Variants in CDHR5 observed in about 807,000 individuals in gnomAD.
CDHR5 encodes the protein cadherin-related family member 5.
A neutral mutation model predicts 69.5 loss-of-function variants in CDHR5; 82 were observed. The observed-to-expected ratio is 1.18, with a 90% confidence interval of 0.99 to 1.42. CDHR5 has a LOEUF of 1.42. Among genes scored for constraint, CDHR5 ranks in the 40% most tolerant of loss-of-function variants. CDHR5 has a pLI of 0.00. For synonymous variants in CDHR5, 601 were observed against 510.2 expected, an observed-to-expected ratio of 1.18 and a Z score of -2.40; for missense variants, 1,293 against 1,168.9, an observed-to-expected ratio of 1.11 and a Z score of -1.55.
In CDHR5 at chr11:617,161, A is replaced by C; in HGVS notation, c.*190T>G. 1 of 598,654 alleles carries C rather than the reference A, an allele frequency of 1.7e-6. No homozygotes were observed. Among genetic ancestry groups the C allele is most frequent in the Non-Finnish European group, 3.0e-6 (1 of 331,968 alleles). The allele number at this position is 598,654 out of a possible 1,614,324, so 37.1% of individuals were successfully genotyped here. ...ACAGCGTGGCCAGACCCACCGCCTC[A>C]TCTGCACACCTGGGCTCAAGCGCTA... On this transcript the variant is annotated 3_prime_UTR_variant, in exon 15 of 15. Coordinates refer to ENST00000397542, the MANE Select transcript of CDHR5 (RefSeq NM_021924.5).
In CDHR5 at chr11:618,088, G is replaced by A. The variant is rs146917689; in HGVS notation, c.1984C>T (p.Arg662Cys). ...SSGGGPSEDKRFSVVDMAALG... is the reference protein window; with the variant it reads ...SSGGGPSEDKCFSVVDMAALG... ...GCCGCCATATCCACCACCGAGAAGCGCTTGTCCTCCGAGGGGCCGCCACCT... is the reference window on the plus strand; with the variant it reads ...GCCGCCATATCCACCACCGAGAAGCACTTGTCCTCCGAGGGGCCGCCACCT... Residue 662 changes from arginine (R) to cysteine (C), a missense_variant, in exon 14 of 15, where the codon CGC (arginine) becomes TGC (cysteine). Coordinates refer to ENST00000397542, the MANE Select transcript of CDHR5 (RefSeq NM_021924.5). 19 of 1,610,672 alleles carry A rather than the reference G, an allele frequency of 1.2e-5. No homozygotes were observed. The highest frequency in any genetic ancestry group is 1.6e-4 in the Middle Eastern group (1 of 6,068).
At chr11:620,665 T>C (rs1857319940) in intron 7 of CDHR5, among the ~76,000 whole-genome samples, 1 of 152,150 alleles carries the variant, frequency 6.6e-6, no homozygotes, top group African/African-American at 2.4e-5. Context: ...ATTTAGGAAG[T>C]GGGGGCTCCC....
At chr11:618,525 G>A in intron 13 of CDHR5, 74 bp downstream of exon 13, 1 of 1,551,134 alleles carries the variant, frequency 6.4e-7, no homozygotes, top group Non-Finnish European at 8.8e-7. Flanking sequence ...GCCTGGGGTG[G>A]ACCCTTCCTA....
Position 617,465 on chromosome 11 carries a change from C to T in CDHR5, c.2424G>A (p.Ala808=), listed in dbSNP as rs139083373. ...TGGCGCCATCCACGTCCAGGGTGGGCGCGTTGAGAACGACCACGTCTGCCT... is the reference window on the plus strand; with the variant it reads ...TGGCGCCATCCACGTCCAGGGTGGGTGCGTTGAGAACGACCACGTCTGCCT... The part of the protein sequence containing the change: ...GTEADVVVLN[A]PTLDVDGASD... Residue 808 remains alanine (A), a synonymous_variant, in exon 15 of 15, where the codon GCG becomes GCA. Transcript: ENST00000397542. 3.8e-5 allele frequency: 61 copies of T among 1,612,692 alleles called. No individual in the cohort carries two copies. Among genetic ancestry groups the T allele is most frequent in the African/African-American group, 5.3e-5 (4 of 75,042 alleles).
intron 9 of CDHR5, 26 bp downstream of exon 9, chr11:620,041 G>GC: frequency 1.3e-6 from 2 of 1,510,882 alleles, no homozygotes; most frequent in Non-Finnish European, 1.8e-6. Context: ...CCTCTGCCCT[G>GC]CCCCCCATGC....
chr11:617,103 G>T lies in CDHR5; in HGVS notation c.*248C>A. On this transcript the variant is annotated 3_prime_UTR_variant, in exon 15 of 15. Coordinates refer to ENST00000397542, the MANE Select transcript of CDHR5 (RefSeq NM_021924.5). ...GGGAAGGCGGCGGGCACTGCAGGTG[G>T]TTTACGGGAAGTGCTGCAGCCTTGG... 1 of 541,674 alleles carries T rather than the reference G, an allele frequency of 1.8e-6. No individual in the cohort carries two copies. Among genetic ancestry groups the T allele is most frequent in the Non-Finnish European group, 3.3e-6 (1 of 306,400 alleles). The allele number at this position is 541,674 out of a possible 1,614,324, so 33.6% of individuals were successfully genotyped here.
Position 620,374 on chromosome 11 carries a change from C to A in CDHR5, c.802G>T (p.Val268Phe), listed in dbSNP as rs559062471. ...GCGTAGATGGGTCCGGGACGCAGGA[C>A]GAGGGGAGATGGCTTCAGGGATGGC... ...PTGHILPSPLVLRPGPIYAED... is the reference protein window; with the variant it reads ...PTGHILPSPLFLRPGPIYAED... Residue 268 changes from valine to phenylalanine, a missense_variant, in exon 8 of 15, where the codon GTC (valine) becomes TTC (phenylalanine). Coordinates refer to ENST00000397542, the MANE Select transcript of CDHR5 (RefSeq NM_021924.5). The A allele has an allele frequency of 1.6e-5, 26 of 1,605,964 alleles. No homozygotes were observed. Among genetic ancestry groups the A allele is most frequent in the Non-Finnish European group, 2.2e-5 (26 of 1,174,786 alleles).
chr11:622,445 T>G (rs779693946), intron 3 of CDHR5, among the ~76,000 whole-genome samples: 10 of 151,892 alleles, frequency 6.6e-5, no homozygotes, highest in South Asian at 2.1e-4. Context: ...TTTTGGTTTT[T>G]GTTTTTGTTT....
In CDHR5 at chr11:617,531, G is replaced by T. The variant is rs761367679; in HGVS notation, c.2358C>A (p.Gly786=). Reference sequence around the variant, plus strand: ...CGCCAAACCAGACAGCCTTGTACCCGCCCTCCGGCCGCCGCTCCTTGGTCA... The same window carrying T: ...CGCCAAACCAGACAGCCTTGTACCCTCCCTCCGGCCGCCGCTCCTTGGTCA... ...SILTKERRPE[G]GYKAVWFGED... is the part of the protein sequence containing the mutation. Residue 786 remains glycine (G), a synonymous_variant, in exon 15 of 15, where the codon GGC becomes GGA. Coordinates refer to ENST00000397542, the MANE Select transcript of CDHR5 (RefSeq NM_021924.5). The T allele has an allele frequency of 6.2e-7, 1 of 1,612,402 alleles. No individual in the cohort carries two copies. The highest frequency in any genetic ancestry group is 8.5e-7 in the Non-Finnish European group (1 of 1,179,726).
chr11:621,763 T>G lies in CDHR5; in HGVS notation c.405+49A>C. Reference sequence around the variant, plus strand: ...CACCACTCACCTCCTGCCCTCACCCTGGGCTCCCACACCCCCGTGCCCAGT... The same window carrying G: ...CACCACTCACCTCCTGCCCTCACCCGGGGCTCCCACACCCCCGTGCCCAGT... On this transcript the variant is annotated intron_variant, in intron 4 of 14. Coordinates refer to ENST00000397542, the MANE Select transcript of CDHR5 (RefSeq NM_021924.5). This position sits in a 1 kb window ranked among gnomAD's most constrained non-coding sequence, Gnocchi z 4.4. The G allele has an allele frequency of 6.4e-7, 1 of 1,572,840 alleles. No homozygotes were observed. The highest frequency in any genetic ancestry group is 8.7e-7 in the Non-Finnish European group (1 of 1,143,924).
At chr11:622,414 C>A (rs1184733119) in intron 3 of CDHR5, among the ~76,000 whole-genome samples, 1 of 146,542 alleles carries the variant, frequency 6.8e-6, no homozygotes, top group Non-Finnish European at 1.5e-5. Context: ...AATCCATTTT[C>A]TTTTCTCTGT....
chr11:622,356 T>C (rs1347735624), intron 3 of CDHR5, among the ~76,000 whole-genome samples: 1 of 150,600 alleles, frequency 6.6e-6, no homozygotes, highest in Non-Finnish European at 1.5e-5. Context: ...AGAAAAATAA[T>C]GCAGGTACTT....
chr11:619,230 A>G (rs1857200300), intron 12 of CDHR5, 50 bp from the exon 13 acceptor site: 1 of 1,467,742 alleles, frequency 6.8e-7, no homozygotes, highest in Non-Finnish European at 9.3e-7. Flanking sequence ...CCCCTTGCAC[A>G]CCTACCGCGG....
At position 624,326 on chromosome 11, in the gene CDHR5, G is replaced by C. The variant is rs763836504; in HGVS notation, c.262-63C>G. The C allele has an allele frequency of 1.4e-6, 1 of 732,692 alleles. No homozygotes were observed. The highest frequency in any genetic ancestry group is 1.5e-5 in the South Asian group (1 of 68,948). The allele number at this position is 732,692 out of a possible 1,614,324, so 45.4% of individuals were successfully genotyped here. A position where few individuals can be genotyped will look rare whatever the true frequency, so the allele number is the denominator to read the frequency against. On this transcript the variant is annotated intron_variant, in intron 2 of 14. Coordinates refer to ENST00000397542, the MANE Select transcript of CDHR5 (RefSeq NM_021924.5). This position sits in a 1 kb window ranked among gnomAD's most constrained non-coding sequence, Gnocchi z 5.3. ...CCACAGGTGGGGAGACTGAGGCCAAGTGGGCAGGCGCTGGCCCAGGGTCCC... is the reference window on the plus strand; with the variant it reads ...CCACAGGTGGGGAGACTGAGGCCAACTGGGCAGGCGCTGGCCCAGGGTCCC...
At chr11:622,225 T>G (rs1254452051) in intron 3 of CDHR5, among the ~76,000 whole-genome samples, 1 of 152,236 alleles carries the variant, frequency 6.6e-6, no homozygotes, top group East Asian at 1.9e-4. Context: ...TGCACAGCTC[T>G]AGGCGTTGGG....
Position 618,999 on chromosome 11 carries a change from C to G in CDHR5, c.1560G>C (p.Gly520=), listed in dbSNP as rs765194476. 2.5e-6 allele frequency: 4 copies of G among 1,605,952 alleles called. No homozygotes were observed. Among genetic ancestry groups the G allele is most frequent in the Non-Finnish European group, 3.4e-6 (4 of 1,173,504 alleles). Residue 520 remains glycine, a synonymous_variant, in exon 13 of 15, where the codon GGG becomes GGC. Coordinates refer to ENST00000397542, the MANE Select transcript of CDHR5 (RefSeq NM_021924.5). The part of the protein sequence containing the change: ...LRPPTSSTPG[G]PPGAENSTSH... The stretch of plus-strand genomic sequence containing the variant: ...AGGTGCTGTTTTCTGCACCCGGGGG[C>G]CCCCCGGGTGTGGACGAGGTTGGTG...
chr11:621,627 G>T lies in CDHR5; in HGVS notation c.442C>A (p.Gln148Lys). ...TTGTCGCGGTCCTCAGCCTGCAGTT[G>T]CGTCTCGGGGATGACGGTGGAGTTC... Reference protein sequence around the residue: ...KVNSTVIPETQLQAEDRDKDD... With the variant: ...KVNSTVIPETKLQAEDRDKDD... The change falls in exon 5 of 15, where the codon CAA (glutamine) becomes AAA (lysine). Residue 148 changes from glutamine (Q) to lysine (K), a missense_variant. Coordinates refer to ENST00000397542, the MANE Select transcript of CDHR5 (RefSeq NM_021924.5). This position sits in a 1 kb window ranked among gnomAD's most constrained non-coding sequence, Gnocchi z 4.4. 1 of 1,613,862 alleles carries T rather than the reference G, an allele frequency of 6.2e-7. No individual in the cohort carries two copies. Among genetic ancestry groups the T allele is most frequent in the African/African-American group, 1.3e-5 (1 of 74,988 alleles).
rs775978385 is a variant in CDHR5, at chr11:618,961, G to C, written c.1598C>G (p.Ala533Gly). The C allele has an allele frequency of 6.2e-7, 1 of 1,613,844 alleles. No homozygotes were observed. The highest frequency in any genetic ancestry group is 1.7e-5 in the Admixed American group (1 of 59,930). ...GAENSTSHQP[A>G]TPGGDTAQTP... The stretch of plus-strand genomic sequence containing the variant: ...CTGTGCTGTGTCCCCACCGGGAGTG[G>C]CTGGTTGGTGGGAGGTGCTGTTTTC... The change falls in exon 13 of 15, where the codon GCC becomes GGC. Residue 533 changes from alanine (A) to glycine (G), a missense_variant. Physicochemically the swap from Ala to Gly is moderately conservative, Grantham distance 60. Transcript: ENST00000397542.
chr11:624,720 T>G lies in CDHR5; in HGVS notation c.98A>C (p.Asn33Thr). ...CTCCTCTACTTCAAAGATGTCCTTG[T>G]TCACAGAGCAGTCTGTAAGGTTGCA... is the stretch of plus-strand genomic sequence containing the variant. ...TMAQAQYCSV[N>T]KDIFEVEENT... The change falls in exon 2 of 15, where the codon AAC becomes ACC. Residue 33 changes from asparagine to threonine, a missense_variant. Physicochemically the swap from Asn to Thr is moderately conservative, Grantham distance 65 (BLOSUM62 0). Coordinates refer to ENST00000397542, the MANE Select transcript of CDHR5 (RefSeq NM_021924.5). The surrounding 1 kb of genome is among the most constrained non-coding windows in gnomAD (Gnocchi z 5.3). The G allele has an allele frequency of 6.2e-7, 1 of 1,608,534 alleles. No individual in the cohort carries two copies. Among genetic ancestry groups the G allele is most frequent in the South Asian group, 1.1e-5 (1 of 90,548 alleles).
Sources: allele counts gnomAD v4.1 joint callset (sites outside exome capture counted in the v4.1 genomes callset), GRCh38; gene constraint gnomAD v4.1.1; non-coding constraint Gnocchi (gnomAD v3.1); transcripts MANE v1.5; gene names NCBI Gene and HGNC (gene_info 2026-07-23, HGNC 2026-07-21).